ASIC2: variants seen among roughly 807,000 people sequenced by gnomAD.
ASIC2 encodes the protein acid-sensing ion channel 2.
A neutral mutation model predicts 57.3 loss-of-function variants in ASIC2; 25 were observed. The observed-to-expected ratio is 0.44, with a 90% confidence interval of 0.32 to 0.61. The LOEUF is 0.61. Ranked by LOEUF, ASIC2 falls within the 20% of genes least tolerant of loss-of-function variation. The probability of loss-of-function intolerance (pLI) is 0.06; values close to 1 mark genes in which losing one functional copy is unlikely to be tolerated. For synonymous variants in ASIC2, 319 were observed against 307.5 expected, an observed-to-expected ratio of 1.04 and a Z score of -0.39; for missense variants, 641 against 738.1, an observed-to-expected ratio of 0.87 and a Z score of 1.52.
chr17:33,351,219 C>G (rs535901514), intron 1 of ASIC2, among the ~76,000 whole-genome samples: 5 of 151,968 alleles, frequency 3.3e-5, no homozygotes, highest in South Asian at 2.1e-4. Flanking sequence ...GGTATTTGGC[C>G]CCCCTCCTCC....
intron 1 of ASIC2, among the ~76,000 whole-genome samples, chr17:33,441,798 G>A (rs929443821): frequency 6.6e-6 from 1 of 152,090 alleles, no homozygotes; most frequent in African/African-American, 2.4e-5. Context: ...TCATACTTCT[G>A]CACAACTGTC....
chr17:33,224,266 G>C (rs1045079929), intron 1 of ASIC2, among the ~76,000 whole-genome samples: 1 of 152,178 alleles, frequency 6.6e-6, no homozygotes, highest in Non-Finnish European at 1.5e-5. Context: ...TATTCATGAG[G>C]CCAGATATAA....
At position 33,989,982 on chromosome 17, in the gene ASIC2, G is replaced by A. The variant is rs755609935; in HGVS notation, c.555+165996C>T. ...GACAAGGACAGCTGGTCAGCCCTTC[G>A]TGCATAATTAGCATGCAGGAGTGAA... On this transcript the variant is annotated intron_variant, in intron 1 of 9. Transcript: ENST00000359872. Among the ~76,000 whole-genome samples the A allele has an allele frequency of 3.3e-5, 5 of 152,292 alleles. No homozygotes were observed. The South Asian group carries it at 1.0e-3, about 32-fold the overall frequency.
chr17:33,470,843 CT>C lies in ASIC2; in HGVS notation c.556-358777del, dbSNP rs5820044. Among the ~76,000 whole-genome samples the C allele has an allele frequency of 4.3e-3, 651 of 151,870 alleles. 18 individuals are homozygous for C. The highest frequency in any genetic ancestry group is 0.015 in the African/African-American group (620 of 41,318). On this transcript the variant is annotated intron_variant, in intron 1 of 9. Coordinates refer to the ASIC2 transcript ENST00000359872. ...CTGTAGTCTCTGTACTTGCTTCCAC[CT>C]GACTCTACTTCCCCTGTGGGCCCTG... is the stretch of plus-strand genomic sequence containing the variant.
At chr17:33,236,962 C>T (rs530410399) in intron 1 of ASIC2, among the ~76,000 whole-genome samples, 1 of 152,268 alleles carries the variant, frequency 6.6e-6, no homozygotes, top group East Asian at 1.9e-4. Flanking sequence ...TTGTTTGAAG[C>T]CACATGTTTT....
intron 1 of ASIC2, among the ~76,000 whole-genome samples, chr17:33,121,166 G>T (rs1485507532): frequency 1.3e-5 from 2 of 152,250 alleles, no homozygotes; most frequent in Non-Finnish European, 2.9e-5. Flanking sequence ...TAGGGAGGAA[G>T]AGAGTTGCTA....
intron 1 of ASIC2, among the ~76,000 whole-genome samples, chr17:34,151,699 G>A (rs1423622113): frequency 2.0e-5 from 3 of 152,214 alleles, no homozygotes; most frequent in African/African-American, 7.2e-5. Context: ...CTCCAAAGCT[G>A]TTGGTGAAGT....
chr17:33,507,859 C>T (rs530613743), intron 1 of ASIC2, among the ~76,000 whole-genome samples: 32 of 152,184 alleles, frequency 2.1e-4, no homozygotes, highest in Non-Finnish European at 3.8e-4. Flanking sequence ...CAGCCAAGAT[C>T]GTGCCACTGC....
At chr17:33,842,911 T>C (rs1597899066) in intron 1 of ASIC2, among the ~76,000 whole-genome samples, 1 of 151,904 alleles carries the variant, frequency 6.6e-6, no homozygotes, top group African/African-American at 2.4e-5. Flanking sequence ...GATGGATGAG[T>C]GGAATTCCAG....
intron 1 of ASIC2, among the ~76,000 whole-genome samples, chr17:33,181,149 C>G (rs1291897870): frequency 6.6e-6 from 1 of 152,140 alleles, no homozygotes; most frequent in Non-Finnish European, 1.5e-5. Context: ...TGGGCAGGAC[C>G]TGGAGCCATA....
At chr17:33,959,903 C>T (rs1904864526) in intron 1 of ASIC2, among the ~76,000 whole-genome samples, 1 of 152,232 alleles carries the variant, frequency 6.6e-6, no homozygotes, top group South Asian at 2.1e-4. Flanking sequence ...TATGGTGTTC[C>T]AGCACTCATT....
At chr17:33,381,142 G>T (rs1875875) in intron 1 of ASIC2, among the ~76,000 whole-genome samples, 2,450 of 152,358 alleles carry the variant, frequency 0.016, 36 homozygotes, top group Non-Finnish European at 0.023. Context: ...AGAGAACAAA[G>T]TGAAGAACTC....
chr17:33,493,175 A>G (rs1401198036), intron 1 of ASIC2, among the ~76,000 whole-genome samples: 1 of 152,204 alleles, frequency 6.6e-6, no homozygotes, highest in Non-Finnish European at 1.5e-5. Flanking sequence ...TGGTTTCTTC[A>G]GGCTCCAGGG....
At chr17:33,638,563 TACAC>T (rs34933757) in intron 1 of ASIC2, among the ~76,000 whole-genome samples, 1 of 150,998 alleles carries the variant, frequency 6.6e-6, no homozygotes, top group Non-Finnish European at 1.5e-5. Context: ...GCCTAGTTTG[TACAC>T]ACACACACAC....
intron 1 of ASIC2, among the ~76,000 whole-genome samples, chr17:34,030,245 C>G (rs976936749): frequency 2.6e-5 from 4 of 152,244 alleles, no homozygotes; most frequent in Admixed American, 2.6e-4. Flanking sequence ...CTGCTCCTCA[C>G]AGTCTATACC....
chr17:33,818,071 C>A (rs1912639581), intron 1 of ASIC2, among the ~76,000 whole-genome samples: 1 of 152,168 alleles, frequency 6.6e-6, no homozygotes, highest in Non-Finnish European at 1.5e-5. Context: ...CATGAAGCAT[C>A]CTTTCCACTT....
At chr17:33,139,884 T>C (rs1033401724) in intron 1 of ASIC2, among the ~76,000 whole-genome samples, 1 of 152,240 alleles carries the variant, frequency 6.6e-6, no homozygotes, top group Non-Finnish European at 1.5e-5. Flanking sequence ...GTTCTAATGC[T>C]AGTCCCTTCA....
At chr17:33,935,045 TC>T (rs1916030393) in intron 1 of ASIC2, among the ~76,000 whole-genome samples, 1 of 152,226 alleles carries the variant, frequency 6.6e-6, no homozygotes, top group African/African-American at 2.4e-5. Context: ...GGGCAGCCTG[TC>T]CAGCACCATC....
At chr17:33,313,674 A>G (rs1906526337) in intron 1 of ASIC2, among the ~76,000 whole-genome samples, 1 of 152,168 alleles carries the variant, frequency 6.6e-6, no homozygotes, top group African/African-American at 2.4e-5. Flanking sequence ...GACATTTGCT[A>G]AGAAATCCCT....
Sources: gnomAD v4.1 joint callset for allele counts (sites outside exome capture counted in the v4.1 genomes callset) on GRCh38, gnomAD v4.1.1 for gene constraint, MANE v1.5 for transcripts, NCBI Gene and HGNC (gene_info 2026-07-23, HGNC 2026-07-21) for gene names.